DOCK7: variants seen among roughly 807,000 people sequenced by gnomAD.
DOCK7 encodes the protein dedicator of cytokinesis protein 7.
In DOCK7, 138 loss-of-function variants were observed where a neutral mutation model predicts 271.0. The ratio of observed to expected loss-of-function variants is 0.51; its 90% confidence interval spans 0.44 to 0.59. The LOEUF (loss-of-function observed/expected upper bound fraction) is 0.59, where lower values mean the gene tolerates loss of function less well. Among genes scored for constraint, DOCK7 ranks in the 20% least tolerant of loss-of-function variants. The pLI is 0.00. For synonymous variants in DOCK7, 823 were observed against 876.1 expected, an observed-to-expected ratio of 0.94 and a Z score of 1.07; for missense variants, 2,066 against 2,592.4, an observed-to-expected ratio of 0.80 and a Z score of 4.41.
At chr1:62,686,790 C>T (rs1661806740) in intron 1 of DOCK7, among the ~76,000 whole-genome samples, 1 of 151,992 alleles carries the variant, frequency 6.6e-6, no homozygotes, top group African/African-American at 2.4e-5. Flanking sequence ...GATTTGAACC[C>T]ATGTCGGGGT....
rs147582756 is a variant in DOCK7 at position 62,477,703 on chromosome 1, C to T, written c.5631G>A (p.Leu1877=). 19 of 1,601,428 alleles carry T rather than the reference C, an allele frequency of 1.2e-5. No individual in the cohort carries two copies. In the African/African-American group the frequency reaches 2.1e-4, roughly 18 times the overall value. Residue 1877 remains leucine, a synonymous_variant, in exon 44 of 50, where the codon TTG becomes TTA. Transcript: ENST00000635253. ...ITKLAEISHR[L]EGFYGERFGE... The stretch of plus-strand genomic sequence containing the variant: ...TATGAACCACCACAGCATTCACCTC[C>T]AATCTGTGAGATATCTCTGCAAGTT...
chr1:62,670,941 A>G (rs1659922311), intron 1 of DOCK7, among the ~76,000 whole-genome samples: 1 of 152,098 alleles, frequency 6.6e-6, no homozygotes, highest in African/African-American at 2.4e-5. Flanking sequence ...CGCTGCTTTT[A>G]TGAGCTGTAA....
intron 12 of DOCK7, among the ~76,000 whole-genome samples, chr1:62,624,302 A>G (rs1004119275): frequency 2.0e-5 from 3 of 152,052 alleles, no homozygotes; most frequent in Non-Finnish European, 2.9e-5. Context: ...TATTTTTTCT[A>G]TTCTACTCGT....
chr1:62,655,824 C>T (rs920427951), intron 2 of DOCK7, among the ~76,000 whole-genome samples: 2 of 152,182 alleles, frequency 1.3e-5, no homozygotes, highest in Admixed American at 1.3e-4. Context: ...TATATGCCAT[C>T]TCATTTAAAC....
intron 31 of DOCK7, among the ~76,000 whole-genome samples, chr1:62,519,006 TACAC>T (rs61224578): frequency 6.8e-6 from 1 of 148,130 alleles, no homozygotes; most frequent in African/African-American, 2.5e-5. Flanking sequence ...AGTCATGCTA[TACAC>T]ACACACACAC....
chr1:62,507,046 T>C (rs1646961824), intron 35 of DOCK7, among the ~76,000 whole-genome samples: 1 of 151,942 alleles, frequency 6.6e-6, no homozygotes, highest in African/African-American at 2.4e-5. Flanking sequence ...TGACTTGAAG[T>C]GATCCACCCA....
At chr1:62,494,239 A>G (rs374474102) in intron 40 of DOCK7, 36 bp downstream of exon 40, 10 of 1,510,382 alleles carry the variant, frequency 6.6e-6, no homozygotes, top group Non-Finnish European at 8.9e-6. Flanking sequence ...AAAAAAAGAT[A>G]TACCTTGATT....
intron 42 of DOCK7, chr1:62,488,037 A>G (rs540579317): frequency 6.6e-6 from 1 of 152,558 alleles, no homozygotes; most frequent in Admixed American, 6.5e-5. Context: ...TTTCAGATTA[A>G]TCAGTTCATT....
At chr1:62,457,812 C>A in intron 48 of DOCK7, 107 bp from the exon 49 acceptor site, 5 of 1,047,726 alleles carry the variant, frequency 4.8e-6, no homozygotes, top group Non-Finnish European at 7.1e-6. Context: ...CTTAATGACA[C>A]ACAACACAGA....
intron 18 of DOCK7, among the ~76,000 whole-genome samples, chr1:62,570,745 A>G (rs908721913): frequency 7.2e-5 from 11 of 152,200 alleles, no homozygotes; most frequent in African/African-American, 2.4e-4. Flanking sequence ...ACTTAGAAAT[A>G]AGACCAAACA....
intron 2 of DOCK7, among the ~76,000 whole-genome samples, chr1:62,658,059 A>C (rs1388319693): frequency 7.9e-5 from 12 of 151,908 alleles, no homozygotes; most frequent in African/African-American, 2.9e-4. Context: ...AAGCCTACAG[A>C]CTCAAGAAGC....
chr1:62,643,281 G>C (rs1429635752), intron 7 of DOCK7, among the ~76,000 whole-genome samples: 1 of 152,184 alleles, frequency 6.6e-6, no homozygotes, highest in Non-Finnish European at 1.5e-5. Context: ...ACAGAATTAT[G>C]AGAAATACTG....
chr1:62,642,113 CT>C (rs34048472), intron 7 of DOCK7, among the ~76,000 whole-genome samples: 107 of 139,382 alleles, frequency 7.7e-4, no homozygotes, highest in Non-Finnish European at 8.0e-4. Context: ...TTTACTTTTT[CT>C]TTTTTTTTTT....
intron 14 of DOCK7, chr1:62,602,002 G>A (rs191012841): frequency 1.7e-4 from 108 of 634,766 alleles, no homozygotes; most frequent in Admixed American, 1.6e-4. Context: ...ATGAGTATTC[G>A]TATAAATATA....
chr1:62,555,774 A>T lies in DOCK7; in HGVS notation c.2596+51T>A, dbSNP rs755607954. 5 of 1,567,960 alleles carry T rather than the reference A, an allele frequency of 3.2e-6. No homozygotes were observed. The East Asian group carries it at 1.1e-4, about 35-fold the overall frequency. On this transcript the variant is annotated intron_variant, in intron 21 of 49. Transcript: ENST00000635253. ...ACTACAAAATTATCTCAATACTGAC[A>T]TGAACATATAATTTATGAAAGACAG...
intron 2 of DOCK7, among the ~76,000 whole-genome samples, chr1:62,660,756 G>A (rs1377943171): frequency 6.6e-6 from 1 of 152,036 alleles, no homozygotes. Flanking sequence ...CAAAATTAAT[G>A]AATAAACAAA....
At chr1:62,498,877 C>A (rs1366986709) in intron 37 of DOCK7, among the ~76,000 whole-genome samples, 1 of 151,940 alleles carries the variant, frequency 6.6e-6, no homozygotes, top group African/African-American at 2.4e-5. Flanking sequence ...TCTTGGTTCA[C>A]CACAATCTCT....
At chr1:62,534,112 C>T (rs2149382669) in intron 29 of DOCK7, among the ~76,000 whole-genome samples, 1 of 152,184 alleles carries the variant, frequency 6.6e-6, no homozygotes, top group Non-Finnish European at 1.5e-5. Flanking sequence ...AGTTCTCATG[C>T]TCCAGCCTCC....
intron 31 of DOCK7, among the ~76,000 whole-genome samples, chr1:62,522,713 G>A (rs1033204340): frequency 4.0e-5 from 6 of 151,774 alleles, no homozygotes; most frequent in Admixed American, 2.0e-4. Context: ...CTGACAGGAA[G>A]AAACTACATT....
Sources: gnomAD v4.1 joint callset for allele counts (sites outside exome capture counted in the v4.1 genomes callset) on GRCh38, gnomAD v4.1.1 for gene constraint, MANE v1.5 for transcripts, NCBI Gene and HGNC (gene_info 2026-07-23, HGNC 2026-07-21) for gene names.